Variants in ZNF662 observed in about 807,000 individuals in gnomAD.
ZNF662 encodes zinc finger protein 662.
Under a neutral mutation model 12.4 loss-of-function variants are expected in ZNF662, and 14 were observed. The ratio of observed to expected loss-of-function variants is 1.13; its 90% CI spans 0.75 to 1.77. The LOEUF (loss-of-function observed/expected upper bound fraction) is 1.77. ZNF662 is among the 40% of genes most tolerant of loss of function. ZNF662 has a pLI of 0.00. For missense variants in ZNF662, 550 were observed against 515.6 expected (o/e 1.07, Z -0.65); for synonymous variants, 184 against 176.4 (o/e 1.04, Z -0.34).
chr3:42,910,650 A>T (rs1003430098), intron 3 of ZNF662, among the ~76,000 whole-genome samples: 1 of 152,056 alleles, frequency 6.6e-6, no homozygotes, highest in Non-Finnish European at 1.5e-5. Flanking sequence ...TCAGGGGAAA[A>T]CCCTGGGATT....
In ZNF662 at chr3:42,918,866, C is replaced by T. The variant is rs145856827; in HGVS notation, c.*3512C>T. 4.3e-3 allele frequency among the ~76,000 whole-genome samples: 647 copies of T among 152,042 alleles called. 3 individuals are homozygous for T. Among genetic ancestry groups the T allele is most frequent in the Middle Eastern group, 0.017 (5 of 294 alleles). On this transcript the variant is annotated 3_prime_UTR_variant, in exon 5 of 5. Transcript: ENST00000440367. ...AGAAGACAATCAAAATGAAACAAAG[C>T]GGGGATGGTAAGGACAGCTAAAAAA... is the stretch of plus-strand genomic sequence containing the variant.
In ZNF662 at chr3:42,914,822, G is replaced by A; in HGVS notation, c.749G>A (p.Cys250Tyr). 1.2e-6 allele frequency: 2 copies of A among 1,614,146 alleles called. No individual in the cohort carries two copies. Among genetic ancestry groups the A allele is most frequent in the Non-Finnish European group, 1.7e-6 (2 of 1,180,028 alleles). The stretch of plus-strand genomic sequence containing the variant: ...CACAGTGGGGTGAAACCCTATGAAT[G>A]TCAAGAATGTGCTAAGGCCTTTGTT... Reference protein sequence around the residue: ...RIHSGVKPYECQECAKAFVWK... With the variant: ...RIHSGVKPYEYQECAKAFVWK... Residue 250 changes from cysteine to tyrosine, a missense_variant, in exon 5 of 5, where the codon TGT becomes TAT. Coordinates refer to ENST00000440367, the MANE Select transcript of ZNF662 (RefSeq NM_207404.4).
chr3:42,912,668 T>TTTTTATATATATAAATATATATATA (rs1284553545), intron 3 of ZNF662, among the ~76,000 whole-genome samples: 6 of 52,356 alleles, frequency 1.1e-4, no homozygotes, highest in African/African-American at 2.7e-4. Flanking sequence ...ATATATATAT[T>TTTTTATATATATAAATATATATATA]TTTTATATAT....
rs371390058 is a variant in ZNF662, at chr3:42,908,093, G to T, written c.-22G>T. 8 of 1,614,170 alleles carry T rather than the reference G, an allele frequency of 5.0e-6. No individual in the cohort carries two copies. Among genetic ancestry groups the T allele is most frequent in the Non-Finnish European group, 6.8e-6 (8 of 1,180,002 alleles). ...AATGGATCGGCCTGGGCCCTGCTCA[G>T]AGAGCCCTGTACAGGGATGTGATGC... On this transcript the variant is annotated 5_prime_UTR_variant, in exon 2 of 5. It introduces an in-frame stop codon into an upstream open reading frame of the 5' UTR. Coordinates refer to ENST00000440367, the MANE Select transcript of ZNF662 (RefSeq NM_207404.4).
chr3:42,908,767 G>A (rs748451491), intron 2 of ZNF662, 26 bp from the exon 3 acceptor site: 1 of 1,607,164 alleles, frequency 6.2e-7, no homozygotes, highest in South Asian at 1.1e-5. Context: ...CCACTCACCT[G>A]CCTGTCCCAT....
rs988524958 is a variant in ZNF662 at position 42,908,327 on chromosome 3, G to A, written c.34+179G>A. The A allele has an allele frequency of 2.2e-6, 3 of 1,394,872 alleles. No individual in the cohort carries two copies. In the African/African-American group the frequency reaches 4.3e-5, roughly 20 times the overall value. The allele number at this position is 1,394,872 out of a possible 1,614,324, so 86.4% of individuals were successfully genotyped here. The stretch of plus-strand genomic sequence containing the variant: ...GTAGGAAGTCCTGGTATCAGTTTGG[G>A]CCTTATACAGGACTTCCTTGCTCCA... On this transcript the variant is annotated intron_variant, in intron 2 of 4. Transcript: ENST00000440367.
intron 3 of ZNF662, among the ~76,000 whole-genome samples, chr3:42,912,248 A>C (rs1445100232): frequency 7.6e-6 from 1 of 131,928 alleles, no homozygotes; most frequent in Admixed American, 8.8e-5. Flanking sequence ...ATATATAAAT[A>C]AAAATATAAT....
At chr3:42,912,830 C>G (rs2125647216) in intron 3 of ZNF662, among the ~76,000 whole-genome samples, 1 of 146,976 alleles carries the variant, frequency 6.8e-6, no homozygotes, top group East Asian at 2.0e-4. Flanking sequence ...ACCTCTGCCT[C>G]CCGGGTTCAA....
At chr3:42,912,640 T>A (rs1275966145) in intron 3 of ZNF662, among the ~76,000 whole-genome samples, 1 of 96,050 alleles carries the variant, frequency 1.0e-5, no homozygotes. Context: ...TTTATATATT[T>A]TATATATATA....
In ZNF662 at chr3:42,917,636, A is replaced by G; in HGVS notation, c.*2282A>G. On this transcript the variant is annotated 3_prime_UTR_variant, in exon 5 of 5. Transcript: ENST00000440367. ...CTATGTGAGCCAATAAACATCTGTC[A>G]AACGAGTTAGAGTTGAGTTTTCTGT... The G allele has an allele frequency of 1.5e-6, 1 of 683,172 alleles. No individual in the cohort carries two copies. Among genetic ancestry groups the G allele is most frequent in the Non-Finnish European group, 2.6e-6 (1 of 379,316 alleles). The allele number at this position is 683,172 out of a possible 1,614,324, so 42.3% of individuals were successfully genotyped here.
At position 42,915,165 on chromosome 3, in the gene ZNF662, CTG is replaced by C; in HGVS notation, c.1095_1096del (p.Cys365TrpfsTer24). On this transcript the variant is annotated frameshift_variant, in exon 5 of 5. Coordinates refer to ENST00000440367, the MANE Select transcript of ZNF662 (RefSeq NM_207404.4). LOFTEE classifies it low-confidence loss of function (END_TRUNC). ...GGGACAAGCCTCATGAATGTACTGACTGTGGGAAAAGCTTCTTTTGCAAGGCA... is the reference window on the plus strand; with the variant it reads ...GGGACAAGCCTCATGAATGTACTGACTGGGAAAAGCTTCTTTTGCAAGGCA... ...TGDKPHECTD[C>X]GKSFFCKAHL... The C allele has an allele frequency of 6.2e-7, 1 of 1,614,068 alleles. No individual in the cohort carries two copies. The highest frequency in any genetic ancestry group is 8.5e-7 in the Non-Finnish European group (1 of 1,179,996).
intron 3 of ZNF662, among the ~76,000 whole-genome samples, chr3:42,912,667 T>TATATATAAAAAATATATATATATA (rs1491154427): frequency 2.4e-4 from 7 of 28,600 alleles, no homozygotes; most frequent in Non-Finnish European, 3.9e-4. Flanking sequence ...TATATATATA[T>TATATATAAAAAATATATATATATA]TTTTTATATA....
Position 42,914,795 on chromosome 3 carries a change from T to A in ZNF662, c.722T>A (p.Ile241Asn). The A allele has an allele frequency of 6.2e-7, 1 of 1,614,024 alleles. No individual in the cohort carries two copies. The highest frequency in any genetic ancestry group is 8.5e-7 in the Non-Finnish European group (1 of 1,179,958). The change falls in exon 5 of 5, where the codon ATT becomes AAT. Residue 241 changes from isoleucine (I) to asparagine (N), a missense_variant. Ile to Asn is a moderately radical substitution (Grantham distance 149). Coordinates refer to ENST00000440367, the MANE Select transcript of ZNF662 (RefSeq NM_207404.4). The part of the protein sequence containing the change: ...FRSHCIAHQR[I>N]HSGVKPYECQ... ...TCACATTGCATTGCACATCAGAGAA[T>A]TCACAGTGGGGTGAAACCCTATGAA...
In ZNF662 at chr3:42,914,589, T is replaced by C; in HGVS notation, c.516T>C (p.Asn172=). The change falls in exon 5 of 5, where the codon AAT becomes AAC. Residue 172 remains asparagine (N), a synonymous_variant. Coordinates refer to ENST00000440367, the MANE Select transcript of ZNF662 (RefSeq NM_207404.4). ...EMISVEESSG[N]TDVNNLLGIH... ...TCTCAGTAGAAGAGAGTTCAGGGAA[T>C]ACTGATGTCAATAACCTCCTTGGTA... The C allele has an allele frequency of 6.2e-7, 1 of 1,614,174 alleles. No homozygotes were observed. Among genetic ancestry groups the C allele is most frequent in the Non-Finnish European group, 8.5e-7 (1 of 1,180,020 alleles).
In ZNF662 at chr3:42,906,488, G is replaced by T. The variant is rs2088680757; in HGVS notation, c.-94+320G>T. 7.2e-7 allele frequency: 1 copy of T among 1,381,166 alleles called. No individual in the cohort carries two copies. Among genetic ancestry groups the T allele is most frequent in the South Asian group, 1.6e-5 (1 of 62,610 alleles). 85.6% of individuals were successfully genotyped at this position (1,381,166 alleles called of 1,614,324 possible). On this transcript the variant is annotated intron_variant, in intron 1 of 4. Coordinates refer to ENST00000440367, the MANE Select transcript of ZNF662 (RefSeq NM_207404.4). This position sits in a 1 kb window ranked among gnomAD's most constrained non-coding sequence, Gnocchi z 4.4. ...GGAAGCAGTCTTGGCCCTGCCCTGG[G>T]TTCTAGGCCCGGAGACGGGGTGGTG...
At position 42,918,011 on chromosome 3, in the gene ZNF662, C is replaced by T. The variant is rs944089564; in HGVS notation, c.*2657C>T. On this transcript the variant is annotated 3_prime_UTR_variant, in exon 5 of 5. Coordinates refer to ENST00000440367, the MANE Select transcript of ZNF662 (RefSeq NM_207404.4). ...ATCTCAGCTACTCAGGAGGCTGAGG[C>T]AGGAGAATTGCTTGAATCTGGGAGG... 1.3e-5 allele frequency among the ~76,000 whole-genome samples: 2 copies of T among 152,202 alleles called. No homozygotes were observed. The highest frequency in any genetic ancestry group is 6.5e-5 in the Admixed American group (1 of 15,280).
chr3:42,914,442 A>C lies in ZNF662; in HGVS notation c.369A>C (p.Leu123Phe). The C allele has an allele frequency of 6.2e-7, 1 of 1,613,724 alleles. No homozygotes were observed. The highest frequency in any genetic ancestry group is 8.5e-7 in the Non-Finnish European group (1 of 1,179,908). Reference sequence around the variant, plus strand: ...CCCAGTGGTGTGGATCCCAGGAATTATGGTTTGGGAAAACCTGTGAAGAGA... The same window carrying C: ...CCCAGTGGTGTGGATCCCAGGAATTCTGGTTTGGGAAAACCTGTGAAGAGA... ...SGPQWCGSQE[L>F]WFGKTCEEKS... The change falls in exon 5 of 5, where the codon TTA (leucine) becomes TTC (phenylalanine). Residue 123 changes from leucine to phenylalanine, a missense_variant. Coordinates refer to ENST00000440367, the MANE Select transcript of ZNF662 (RefSeq NM_207404.4).
chr3:42,913,166 C>G (rs1322518137), intron 3 of ZNF662, 35 bp from the exon 4 acceptor site: 1 of 1,521,964 alleles, frequency 6.6e-7, no homozygotes, highest in African/African-American at 1.4e-5. Flanking sequence ...ACTCTTCTGA[C>G]TGAGTCAGCC....
chr3:42,908,701 CTCCTA>C, intron 2 of ZNF662, 87 bp from the exon 3 acceptor site: 1 of 1,484,836 alleles, frequency 6.7e-7, no homozygotes, highest in Non-Finnish European at 9.1e-7. Context: ...TTTTTTTCCC[CTCCTA>C]CCCCTGAAGA....
Sources: gnomAD v4.1 joint callset for allele counts (sites outside exome capture counted in the v4.1 genomes callset) on GRCh38, gnomAD v4.1.1 for gene constraint, Gnocchi (gnomAD v3.1) non-coding constraint, MANE v1.5 for transcripts, NCBI Gene and HGNC (gene_info 2026-07-23, HGNC 2026-07-21) for gene names.